Variants in ADAM10 observed in about 807,000 individuals in gnomAD.
ADAM10 encodes ADAM metallopeptidase domain 10, also known as disintegrin and metalloproteinase domain-containing protein 10.
ADAM10 carries 17 observed loss-of-function variants against 90.1 expected under a neutral mutation model. The observed-to-expected ratio is 0.19, with a 90% CI of 0.13 to 0.28. ADAM10 has a LOEUF of 0.28. Among genes scored for constraint, ADAM10 ranks in the 10% least tolerant of loss-of-function variants. ADAM10 has a pLI of 1.00. For synonymous variants in ADAM10, 310 were observed against 298.6 expected (o/e 1.04, Z -0.40); for missense variants, 610 against 914.3 (o/e 0.67, Z 4.29).
intron 1 of ADAM10, among the ~76,000 whole-genome samples, chr15:58,736,871 C>A (rs1325041263): frequency 6.6e-6 from 1 of 151,736 alleles, no homozygotes; most frequent in Non-Finnish European, 1.5e-5. Context: ...TTTGGGAAGT[C>A]GAAAGTGATT....
At chr15:58,622,356 C>T (rs1041115925) in intron 10 of ADAM10, among the ~76,000 whole-genome samples, 1 of 152,182 alleles carries the variant, frequency 6.6e-6, no homozygotes, top group Non-Finnish European at 1.5e-5. Context: ...AATCAAGTTT[C>T]AAACCCAAGG....
At chr15:58,613,096 G>A (rs770647458) in intron 11 of ADAM10, among the ~76,000 whole-genome samples, 2 of 152,154 alleles carry the variant, frequency 1.3e-5, no homozygotes, top group South Asian at 2.1e-4. Context: ...CCCAAAAGGC[G>A]TTGCCACTGA....
chr15:58,691,382 C>A, intron 2 of ADAM10: 3 of 834,028 alleles, frequency 3.6e-6, no homozygotes, highest in South Asian at 1.3e-5. Context: ...CGAAGCCCTT[C>A]TTCCACTCTT....
intron 11 of ADAM10, among the ~76,000 whole-genome samples, chr15:58,618,734 T>C (rs1595996102): frequency 6.6e-6 from 1 of 152,080 alleles, no homozygotes; most frequent in Non-Finnish European, 1.5e-5. Flanking sequence ...GACATATAAA[T>C]TGCTAACAAG....
At chr15:58,712,068 A>G (rs1450157596) in intron 2 of ADAM10, among the ~76,000 whole-genome samples, 1 of 152,204 alleles carries the variant, frequency 6.6e-6, no homozygotes, top group East Asian at 1.9e-4. Flanking sequence ...AGTTTTTCTC[A>G]TGCTATATTA....
intron 13 of ADAM10, 37 bp downstream of exon 13, chr15:58,610,961 AG>A (rs760419659): frequency 6.7e-7 from 1 of 1,492,148 alleles, no homozygotes; most frequent in South Asian, 1.1e-5. Context: ...TAATAGTTTG[AG>A]GCAAATTTTA....
intron 11 of ADAM10, among the ~76,000 whole-genome samples, chr15:58,614,632 T>C (rs186773310): frequency 2.0e-5 from 3 of 152,218 alleles, no homozygotes; most frequent in Admixed American, 1.3e-4. Flanking sequence ...CAAGAGTCTA[T>C]ACCCAGCAAA....
chr15:58,605,506 T>C (rs920716193), intron 14 of ADAM10, among the ~76,000 whole-genome samples: 1 of 152,180 alleles, frequency 6.6e-6, no homozygotes, highest in Non-Finnish European at 1.5e-5. Flanking sequence ...CCTTTAAATA[T>C]ACTATAAAAT....
intron 2 of ADAM10, among the ~76,000 whole-genome samples, chr15:58,701,745 C>T (rs1408396176): frequency 3.9e-5 from 6 of 152,230 alleles, no homozygotes; most frequent in South Asian, 2.1e-4. Flanking sequence ...AAGTGTGAAT[C>T]AACGGATAAA....
chr15:58,643,883 T>C lies in ADAM10; in HGVS notation c.828+3A>G. ...AGTGTTTTTAACTATTTAAGTTCCT[T>C]ACTCTTATGCGTTTCACCATGAAAC... On this transcript the variant is annotated splice_donor_region_variant and intron_variant, in intron 7 of 15. Coordinates refer to ENST00000260408, the MANE Select transcript of ADAM10 (RefSeq NM_001110.4). The C allele has an allele frequency of 6.2e-7, 1 of 1,604,674 alleles. No individual in the cohort carries two copies. Among genetic ancestry groups the C allele is most frequent in the Non-Finnish European group, 8.5e-7 (1 of 1,171,470 alleles).
intron 2 of ADAM10, among the ~76,000 whole-genome samples, chr15:58,714,140 A>G (rs1387993983): frequency 6.6e-6 from 1 of 152,150 alleles, no homozygotes; most frequent in Non-Finnish European, 1.5e-5. Flanking sequence ...GTTTGGAAAA[A>G]TATAAACGTT....
At chr15:58,682,381 T>G in intron 2 of ADAM10, 67 bp from the exon 3 acceptor site, 1 of 1,562,880 alleles carries the variant, frequency 6.4e-7, no homozygotes, top group Non-Finnish European at 8.6e-7. Context: ...ACAATTATTT[T>G]TTATTTTAAA....
chr15:58,632,581 A>C (rs527555268), intron 9 of ADAM10, among the ~76,000 whole-genome samples: 1 of 152,310 alleles, frequency 6.6e-6, no homozygotes, highest in South Asian at 2.1e-4. Flanking sequence ...TAGGCCCTTT[A>C]CAGAAAATGT....
At chr15:58,694,661 T>C (rs1350924592) in intron 2 of ADAM10, among the ~76,000 whole-genome samples, 2 of 151,144 alleles carry the variant, frequency 1.3e-5, no homozygotes, top group African/African-American at 2.4e-5. Flanking sequence ...TTATTTATAA[T>C]AGCCAAAAAC....
In ADAM10 at chr15:58,741,256, G is replaced by T. The variant is rs560196384; in HGVS notation, c.55+8224C>A. Among the ~76,000 whole-genome samples the T allele has an allele frequency of 8.6e-4, 131 of 152,242 alleles. 1 individual carries two copies. The Middle Eastern group carries it at 0.054, about 63-fold the overall frequency. ...TCCCCTATTTGTCTTGGAAACAGAA[G>T]TTCATAGTTCACATGAAATCAAGAG... On this transcript the variant is annotated intron_variant, in intron 1 of 15. Transcript: ENST00000260408.
intron 9 of ADAM10, among the ~76,000 whole-genome samples, chr15:58,630,763 A>C (rs1316092987): frequency 6.6e-6 from 1 of 152,228 alleles, no homozygotes; most frequent in African/African-American, 2.4e-5. Flanking sequence ...TTTCAGATAA[A>C]GATGTTAAGG....
At chr15:58,657,662 A>C (rs1218835685) in intron 5 of ADAM10, among the ~76,000 whole-genome samples, 6 of 152,154 alleles carry the variant, frequency 3.9e-5, no homozygotes, top group African/African-American at 1.4e-4. Context: ...CTGAAAGGTC[A>C]CCTATCTCTG....
chr15:58,728,727 T>C (rs893099229), intron 1 of ADAM10, among the ~76,000 whole-genome samples: 31 of 152,134 alleles, frequency 2.0e-4, no homozygotes, highest in African/African-American at 7.2e-4. Flanking sequence ...TTTTTTAAAA[T>C]CCAGGATCAA....
chr15:58,683,723 G>A (rs1479534594), intron 2 of ADAM10, among the ~76,000 whole-genome samples: 1 of 151,894 alleles, frequency 6.6e-6, no homozygotes, highest in Non-Finnish European at 1.5e-5. Flanking sequence ...AGCCAGGCAT[G>A]GTGGCTTGCA....
Sources: allele counts gnomAD v4.1 joint callset (sites outside exome capture counted in the v4.1 genomes callset), GRCh38; gene constraint gnomAD v4.1.1; transcripts MANE v1.5; gene names NCBI Gene and HGNC (gene_info 2026-07-23, HGNC 2026-07-21).